TMEM178B: variants seen among roughly 807,000 people sequenced by gnomAD.
TMEM178B encodes the protein transmembrane protein 178B.
In TMEM178B, 5 loss-of-function variants were observed where a neutral mutation model predicts 31.0. That is an observed-to-expected ratio of 0.16 (90% CI 0.08 to 0.34). TMEM178B has a LOEUF of 0.34. TMEM178B is among the 10% of genes least tolerant of loss of function. The pLI is 1.00. For missense variants in TMEM178B, 275 were observed against 400.3 expected, an observed-to-expected ratio of 0.69 and a Z score of 2.67; for synonymous variants, 164 against 164.0, an observed-to-expected ratio of 1.00 and a Z score of 0.00.
At chr7:141,413,861 A>G (rs567763847) in intron 2 of TMEM178B, among the ~76,000 whole-genome samples, 7 of 152,308 alleles carry the variant, frequency 4.6e-5, no homozygotes, top group African/African-American at 1.4e-4. Flanking sequence ...GGGAATTTAG[A>G]AACCACAGAA....
intron 2 of TMEM178B, among the ~76,000 whole-genome samples, chr7:141,343,023 A>G (rs1020823446): frequency 2.6e-5 from 4 of 152,208 alleles, no homozygotes; most frequent in Non-Finnish European, 5.9e-5. Context: ...GAGAGAAAAC[A>G]CAGATTGCTT....
intron 2 of TMEM178B, among the ~76,000 whole-genome samples, chr7:141,223,967 G>T (rs1409175108): frequency 4.6e-5 from 7 of 152,166 alleles, no homozygotes; most frequent in Admixed American, 4.6e-4. Context: ...TTAAATTGTA[G>T]CTCCCATAAT....
intron 1 of TMEM178B, among the ~76,000 whole-genome samples, chr7:141,103,776 T>C (rs1795096874): frequency 6.6e-6 from 1 of 152,234 alleles, no homozygotes; most frequent in Non-Finnish European, 1.5e-5. Flanking sequence ...TTTCTATTTA[T>C]TTAAAACACT....
At chr7:141,124,667 G>C (rs1481284513) in intron 1 of TMEM178B, among the ~76,000 whole-genome samples, 1 of 152,122 alleles carries the variant, frequency 6.6e-6, no homozygotes, top group African/African-American at 2.4e-5. Context: ...CAGAGTGTCA[G>C]GAATGTATAA....
chr7:141,162,254 C>T (rs954053405), intron 1 of TMEM178B, among the ~76,000 whole-genome samples: 1 of 152,228 alleles, frequency 6.6e-6, no homozygotes, highest in African/African-American at 2.4e-5. Context: ...TCTTTCTCTC[C>T]AGCCACTTGC....
At chr7:141,121,461 T>G (rs1452073665) in intron 1 of TMEM178B, among the ~76,000 whole-genome samples, 3 of 152,208 alleles carry the variant, frequency 2.0e-5, no homozygotes, top group Admixed American at 2.0e-4. Context: ...CGGTCTCAAT[T>G]ATCCTAGGCT....
At chr7:141,403,209 C>A (rs943258491) in intron 2 of TMEM178B, among the ~76,000 whole-genome samples, 2 of 152,202 alleles carry the variant, frequency 1.3e-5, no homozygotes, top group African/African-American at 4.8e-5. Flanking sequence ...GTGGTTCATG[C>A]AGCCGGCCAT....
intron 1 of TMEM178B, among the ~76,000 whole-genome samples, chr7:141,115,798 G>A (rs1481533846): frequency 6.6e-6 from 1 of 152,108 alleles, no homozygotes; most frequent in Admixed American, 6.5e-5. Flanking sequence ...TGCATTTAAA[G>A]GAAAACATTC....
chr7:141,481,639 CAG>C (rs1304721407), downstream of TMEM178B, among the ~76,000 whole-genome samples: 2 of 152,146 alleles, frequency 1.3e-5, no homozygotes, highest in African/African-American at 4.8e-5. Flanking sequence ...CTGGAGGTAA[CAG>C]AGACAGTAAA....
chr7:141,181,560 G>A (rs951313358), intron 1 of TMEM178B, among the ~76,000 whole-genome samples: 1 of 152,220 alleles, frequency 6.6e-6, no homozygotes, highest in Admixed American at 6.5e-5. Context: ...GTTATATCCT[G>A]TGCCCTAGTT....
intron 1 of TMEM178B, among the ~76,000 whole-genome samples, chr7:141,089,957 A>G (rs1258768548): frequency 1.3e-5 from 2 of 152,086 alleles, no homozygotes; most frequent in African/African-American, 4.8e-5. Context: ...ATGTATACAT[A>G]TGTAACATAC....
intron 1 of TMEM178B, among the ~76,000 whole-genome samples, chr7:141,170,076 T>C (rs1352470181): frequency 1.3e-5 from 2 of 152,248 alleles, no homozygotes; most frequent in Non-Finnish European, 2.9e-5. Flanking sequence ...TCTACATTTT[T>C]GCCATGATAC....
chr7:141,249,140 T>C lies in TMEM178B; in HGVS notation c.496+36436T>C, dbSNP rs181831855. ...CCCACCCAAATCTCATCTTGAATTG[T>C]AGCTCCCATAATTCCCATGTGTCAT... On this transcript the variant is annotated intron_variant, in intron 2 of 3. Coordinates refer to ENST00000565468, the MANE Select transcript of TMEM178B (RefSeq NM_001195278.2). 3.3e-5 allele frequency among the ~76,000 whole-genome samples: 5 copies of C among 152,334 alleles called. No homozygotes were observed. The East Asian group carries it at 9.7e-4, about 29-fold the overall frequency.
chr7:141,098,526 T>A (rs1183626411), intron 1 of TMEM178B, among the ~76,000 whole-genome samples: 2 of 152,200 alleles, frequency 1.3e-5, no homozygotes, highest in African/African-American at 4.8e-5. Context: ...TTATACTGCC[T>A]TCAGATCTCA....
chr7:141,241,341 C>T (rs1797615291), intron 2 of TMEM178B, among the ~76,000 whole-genome samples: 1 of 151,940 alleles, frequency 6.6e-6, no homozygotes, highest in Non-Finnish European at 1.5e-5. Context: ...CCTGTAATCC[C>T]AGCACTTTGG....
intron 2 of TMEM178B, among the ~76,000 whole-genome samples, chr7:141,291,814 G>A (rs1489461458): frequency 6.6e-6 from 1 of 152,046 alleles, no homozygotes; most frequent in Non-Finnish European, 1.5e-5. Context: ...GTCTTGTTGA[G>A]ACCATCATGA....
intron 2 of TMEM178B, among the ~76,000 whole-genome samples, chr7:141,262,465 A>C (rs6952370): frequency 0.89 from 128,442 of 144,414 alleles, 57,273 homozygotes; most frequent in East Asian, 0.99. Flanking sequence ...AAGCTTGATA[A>C]ATACATATAA....
intron 1 of TMEM178B, among the ~76,000 whole-genome samples, chr7:141,088,288 C>T (rs1794821733): frequency 2.0e-5 from 3 of 151,976 alleles, no homozygotes; most frequent in Non-Finnish European, 4.4e-5. Flanking sequence ...TCGTGTGCAC[C>T]TCCCATGCAC....
chr7:141,284,580 T>C (rs1395315059), intron 2 of TMEM178B, among the ~76,000 whole-genome samples: 1 of 152,220 alleles, frequency 6.6e-6, no homozygotes, highest in Non-Finnish European at 1.5e-5. Flanking sequence ...GCTGCCCTTC[T>C]CTAGACCTTG....
Sources: allele counts gnomAD v4.1 joint callset (sites outside exome capture counted in the v4.1 genomes callset), GRCh38; gene constraint gnomAD v4.1.1; transcripts MANE v1.5; gene names NCBI Gene and HGNC (gene_info 2026-07-23, HGNC 2026-07-21).